RGS12: variants seen among roughly 807,000 people sequenced by gnomAD.
The protein encoded by RGS12 is regulator of G-protein signaling 12.
Under a neutral mutation model 120.1 loss-of-function variants are expected in RGS12, and 66 were observed. The observed-to-expected ratio is 0.55, with a 90% CI of 0.45 to 0.67. The LOEUF (loss-of-function observed/expected upper bound fraction) is 0.67. Ranked by LOEUF, RGS12 falls within the 30% of genes least tolerant of loss-of-function variation. The pLI is 0.00. For synonymous variants in RGS12, 827 were observed against 804.7 expected (o/e 1.03, Z -0.47); for missense variants, 1,859 against 1,957.7 (o/e 0.95, Z 0.95).
At chr4:3,343,775 C>A (rs1210790183) in intron 3 of RGS12, among the ~76,000 whole-genome samples, 2 of 151,984 alleles carry the variant, frequency 1.3e-5, no homozygotes, top group East Asian at 3.9e-4. Context: ...TCCCGTTGAA[C>A]TCTGACAACC....
At chr4:3,370,017 G>T in intron 3 of RGS12, 1 of 1,250,204 alleles carries the variant, frequency 8.0e-7, no homozygotes. Flanking sequence ...TTTGGTAGAG[G>T]AAATAGTTTA....
chr4:3,437,767 A>T (rs1206369568), intron 17 of RGS12, among the ~76,000 whole-genome samples: 1 of 152,116 alleles, frequency 6.6e-6, no homozygotes, highest in Non-Finnish European at 1.5e-5. Flanking sequence ...CAGCTCCCAC[A>T]TGCTGGCTGG....
intron 1 of RGS12, among the ~76,000 whole-genome samples, chr4:3,294,042 C>G (rs1400080782): frequency 6.6e-6 from 1 of 151,244 alleles, no homozygotes; most frequent in Non-Finnish European, 1.5e-5. Context: ...CACCTGGCCT[C>G]TCACCTGCTT....
intron 14 of RGS12, among the ~76,000 whole-genome samples, chr4:3,427,426 G>A (rs1560175363): frequency 6.6e-6 from 1 of 152,238 alleles, no homozygotes; most frequent in Non-Finnish European, 1.5e-5. Flanking sequence ...CTGGCATGGG[G>A]CAAAGGCTGT....
intron 2 of RGS12, among the ~76,000 whole-genome samples, chr4:3,337,473 C>T (rs2108756342): frequency 6.6e-6 from 1 of 152,336 alleles, no homozygotes; most frequent in South Asian, 2.1e-4. Context: ...ACCCAGATGT[C>T]CATCATCAGG....
intron 3 of RGS12, among the ~76,000 whole-genome samples, chr4:3,377,055 A>G (rs916449465): frequency 2.7e-5 from 4 of 148,436 alleles, no homozygotes; most frequent in African/African-American, 7.5e-5. Flanking sequence ...TCTGCCACCC[A>G]GGCTGGAGTG....
intron 9 of RGS12, chr4:3,420,348 C>A: frequency 2.0e-6 from 1 of 507,182 alleles, no homozygotes; most frequent in Non-Finnish European, 3.6e-6. Context: ...TTGTTGGGCA[C>A]CTGCCATGAG....
intron 1 of RGS12, among the ~76,000 whole-genome samples, chr4:3,313,696 G>A (rs1013554460): frequency 3.3e-5 from 5 of 152,202 alleles, no homozygotes; most frequent in Non-Finnish European, 4.4e-5. Flanking sequence ...GGAGGTGACC[G>A]CCTGCCCGTC....
At chr4:3,429,567 C>T (rs966223784) in intron 16 of RGS12, among the ~76,000 whole-genome samples, 7 of 152,316 alleles carry the variant, frequency 4.6e-5, no homozygotes, top group South Asian at 2.1e-4. Context: ...TTAAAAACTC[C>T]GAGTATAATT....
In RGS12 at chr4:3,432,604, ACAGCG is replaced by A. The variant is rs564006065; in HGVS notation, c.4114+1653_4114+1657del. ...AGGGCCATTAGCACAGAGGTGGTTT[ACAGCG>A]CAGGCCCAGCTGAGCGCCCCGGCTG... On this transcript the variant is annotated intron_variant, in intron 17 of 17. Coordinates refer to ENST00000336727, the MANE Select transcript of RGS12 (RefSeq NM_001394154.1). Among the ~76,000 whole-genome samples, 43 of 152,370 alleles carry A rather than the reference ACAGCG, an allele frequency of 2.8e-4. No homozygotes were observed. The East Asian group carries it at 6.9e-3, about 25-fold the overall frequency.
chr4:3,430,415 G>T lies in RGS12; in HGVS notation c.3574G>T (p.Glu1192Ter), dbSNP rs764580511. 6.2e-7 allele frequency: 1 copy of T among 1,605,966 alleles called. No homozygotes were observed. The highest frequency in any genetic ancestry group is 8.5e-7 in the Non-Finnish European group (1 of 1,176,028). ...GGGTTTTCTTCCAATAGAGTTTTTTGAGCTTATTTCCAAAGCTCAGAGCAA... is the reference window on the plus strand; with the variant it reads ...GGGTTTTCTTCCAATAGAGTTTTTTTAGCTTATTTCCAAAGCTCAGAGCAA... ...INLDEAEEFF[E>*]LISKAQSNRA... Residue 1192 changes from glutamate (E) to a stop codon, truncating the protein, a stop_gained, in exon 17 of 18, where the codon GAG (glutamate) becomes TAG (stop). Coordinates refer to ENST00000336727, the MANE Select transcript of RGS12 (RefSeq NM_001394154.1). LOFTEE classifies it high-confidence loss of function.
rs563593175 is a variant in RGS12 at position 3,431,798 on chromosome 4, G to A, written c.4114+843G>A. On this transcript the variant is annotated intron_variant, in intron 17 of 17. Coordinates refer to ENST00000336727, the MANE Select transcript of RGS12 (RefSeq NM_001394154.1). Reference sequence around the variant, plus strand: ...CCTCTGCTGTGGTTTGCTGCTGGGGGCGATGGGAGCGCCTCTCCGTCCTGT... The same window carrying A: ...CCTCTGCTGTGGTTTGCTGCTGGGGACGATGGGAGCGCCTCTCCGTCCTGT... 1.2e-3 allele frequency: 1,228 copies of A among 985,774 alleles called. 2 individuals carry two copies. The Middle Eastern group carries it at 0.018, about 14-fold the overall frequency. 61.1% of individuals were successfully genotyped at this position (985,774 alleles called of 1,614,324 possible).
chr4:3,417,711 G>A (rs1433966935), intron 9 of RGS12, 170 bp downstream of exon 9: 2 of 673,368 alleles, frequency 3.0e-6, no homozygotes, highest in Non-Finnish European at 4.9e-6. Context: ...TGTGTCTGGG[G>A]ACACGACCTG....
At chr4:3,346,286 A>C (rs1388235514) in intron 3 of RGS12, among the ~76,000 whole-genome samples, 2 of 152,204 alleles carry the variant, frequency 1.3e-5, no homozygotes, top group East Asian at 3.8e-4. Flanking sequence ...GGTTCTATCT[A>C]GTTCCCAGCA....
intron 4 of RGS12, among the ~76,000 whole-genome samples, chr4:3,410,007 C>T (rs969766441): frequency 8.5e-5 from 13 of 152,336 alleles, no homozygotes; most frequent in African/African-American, 3.1e-4. Flanking sequence ...CTTGTCCTGT[C>T]ATGGAAGTTC....
At chr4:3,346,513 C>G (rs1050489228) in intron 3 of RGS12, among the ~76,000 whole-genome samples, 6 of 152,150 alleles carry the variant, frequency 3.9e-5, no homozygotes, top group African/African-American at 1.4e-4. Context: ...TGGTGTGGCC[C>G]ACGCATCAGG....
intron 3 of RGS12, among the ~76,000 whole-genome samples, chr4:3,360,878 A>T (rs1715491547): frequency 6.6e-6 from 1 of 152,238 alleles, no homozygotes; most frequent in African/African-American, 2.4e-5. Context: ...AAGGGATTTG[A>T]GTAGACATTT....
intron 2 of RGS12, among the ~76,000 whole-genome samples, chr4:3,332,915 C>T (rs1016662786): frequency 6.6e-6 from 1 of 152,046 alleles, no homozygotes; most frequent in African/African-American, 2.4e-5. Context: ...ACCTCCGCCT[C>T]CCTGGGTTCA....
intron 17 of RGS12, among the ~76,000 whole-genome samples, chr4:3,438,713 C>G (rs1264798347): frequency 2.0e-5 from 3 of 152,112 alleles, no homozygotes; most frequent in Non-Finnish European, 4.4e-5. Context: ...AAGGAGATGG[C>G]CTGCCCATGT....
Sources: allele counts gnomAD v4.1 joint callset (sites outside exome capture counted in the v4.1 genomes callset), GRCh38; gene constraint gnomAD v4.1.1; transcripts MANE v1.5; gene names NCBI Gene and HGNC (gene_info 2026-07-23, HGNC 2026-07-21).